The following ZFP91 variants were observed in gnomAD, a reference collection of about 807,000 sequenced individuals.
The protein encoded by ZFP91 is ZFP91 zinc finger protein, atypical E3 ubiquitin ligase, also known as E3 ubiquitin-protein ligase ZFP91.
In ZFP91, 7 loss-of-function variants were observed where a neutral mutation model predicts 63.5. That is an observed-to-expected ratio of 0.11 (90% CI 0.06 to 0.21). The LOEUF (loss-of-function observed/expected upper bound fraction) is 0.21, where lower values mean the gene tolerates loss of function less well. ZFP91 is among the 10% of genes least tolerant of loss of function. The pLI, the probability that ZFP91 is intolerant of heterozygous loss-of-function variation, is 1.00. For synonymous variants in ZFP91, 330 were observed against 272.1 expected, an observed-to-expected ratio of 1.21 and a Z score of -2.10; for missense variants, 628 against 736.6, an observed-to-expected ratio of 0.85 and a Z score of 1.71.
At position 58,617,442 on chromosome 11, in the gene ZFP91, G is replaced by C. The variant is rs1855767483; in HGVS notation, c.1449G>C (p.Leu483=). ...TDILGTNPES[L]TQPSDGQGLP... Reference sequence around the variant, plus strand: ...TCTTGGGCACTAACCCAGAGTCCCTGACGCAGCCTTCAGATGGTCAGGGTC... The same window carrying C: ...TCTTGGGCACTAACCCAGAGTCCCTCACGCAGCCTTCAGATGGTCAGGGTC... Residue 483 remains leucine (L), a synonymous_variant, in exon 11 of 11, where the codon CTG becomes CTC. Coordinates refer to ENST00000316059, the MANE Select transcript of ZFP91 (RefSeq NM_053023.5). This position sits in a 1 kb window ranked among gnomAD's most constrained non-coding sequence, Gnocchi z 4.2. The C allele has an allele frequency of 1.2e-6, 2 of 1,614,026 alleles. No individual in the cohort carries two copies. Among genetic ancestry groups the C allele is most frequent in the Non-Finnish European group, 1.7e-6 (2 of 1,179,948 alleles).
chr11:58,580,995 G>A (rs1855104190), intron 1 of ZFP91, among the ~76,000 whole-genome samples: 2 of 152,098 alleles, frequency 1.3e-5, no homozygotes, highest in Non-Finnish European at 2.9e-5. Context: ...TATGAATTCC[G>A]TGAGCAAATT....
Position 58,609,895 on chromosome 11 carries a change from T to A in ZFP91, c.436T>A (p.Ser146Thr). ...CCCTCAGGAAGTTTCCATTGCTGCA[T>A]CTAGACCTAGCCGGGGCTGGCGTAG... ...ALPQEVSIAA[S>T]RPSRGWRSSR... Residue 146 changes from serine to threonine, a missense_variant, in exon 3 of 11, where the codon TCT becomes ACT. This residue lies in a region of ZFP91 where 437 missense variants were observed against 380.3 expected (regional missense o/e 1.15). Coordinates refer to ENST00000316059, the MANE Select transcript of ZFP91 (RefSeq NM_053023.5). 6.2e-7 allele frequency: 1 copy of A among 1,614,200 alleles called. No individual in the cohort carries two copies.
chr11:58,607,234 G>A (rs1157477156), intron 2 of ZFP91, among the ~76,000 whole-genome samples: 1 of 152,156 alleles, frequency 6.6e-6, no homozygotes, highest in Admixed American at 6.5e-5. Flanking sequence ...TTCATAGGTG[G>A]TGTTGAATTG....
chr11:58,612,850 G>C lies in ZFP91; in HGVS notation c.987+10G>C. 1 of 1,606,328 alleles carries C rather than the reference G, an allele frequency of 6.2e-7. No homozygotes were observed. Among genetic ancestry groups the C allele is most frequent in the Admixed American group, 1.7e-5 (1 of 58,296 alleles). On this transcript the variant is annotated intron_variant, in intron 8 of 10. Transcript: ENST00000316059. ...TCCTCGCTATTTGCAGGTCAGTGAA[G>C]TTGTTATATAAGAGCCTTTCAGGTT... is the stretch of plus-strand genomic sequence containing the variant.
intron 2 of ZFP91, among the ~76,000 whole-genome samples, chr11:58,598,456 A>C (rs1192586069): frequency 6.6e-6 from 1 of 152,130 alleles, no homozygotes; most frequent in African/African-American, 2.4e-5. Flanking sequence ...TTGTTGTTCA[A>C]GGGTTAACTA....
Position 58,611,004 on chromosome 11 carries a change from A to G in ZFP91, c.672A>G (p.Ile224Met), listed in dbSNP as rs764978662. 2 of 1,613,378 alleles carry G rather than the reference A, an allele frequency of 1.2e-6. No homozygotes were observed. Among genetic ancestry groups the G allele is most frequent in the South Asian group, 1.1e-5 (1 of 91,048 alleles). ...EEEMLISEEE[I>M]PFKDDPRDET... Reference sequence around the variant, plus strand: ...AGATGTTAATCAGTGAAGAGGAGATACCATTCAAAGATGATCCAAGAGATG... The same window carrying G: ...AGATGTTAATCAGTGAAGAGGAGATGCCATTCAAAGATGATCCAAGAGATG... Residue 224 changes from isoleucine (I) to methionine (M), a missense_variant, in exon 5 of 11, where the codon ATA becomes ATG. Ile to Met is a conservative substitution (Grantham distance 10). Transcript: ENST00000316059.
chr11:58,595,659 C>A (rs1223901568), intron 2 of ZFP91, among the ~76,000 whole-genome samples: 1 of 151,262 alleles, frequency 6.6e-6, no homozygotes, highest in African/African-American at 2.4e-5. Context: ...CTCACTGCAA[C>A]CTCTGCCTCC....
intron 2 of ZFP91, among the ~76,000 whole-genome samples, chr11:58,607,970 G>A (rs539590812): frequency 6.6e-6 from 1 of 151,750 alleles, no homozygotes; most frequent in Non-Finnish European, 1.5e-5. Flanking sequence ...ATACTTAAAG[G>A]TGAAATTACT....
At position 58,611,656 on chromosome 11, in the gene ZFP91, A is replaced by G. The variant is rs1439906064; in HGVS notation, c.775A>G (p.Lys259Glu). ...AGGGAAGGTAAAAGAAGAGAAGGAG[A>G]AGAAGGAAATTAAAGTGGAAGTAGA... ...KSGKVKEEKE[K>E]KEIKVEVEVE... The change falls in exon 6 of 11, where the codon AAG becomes GAG. Residue 259 changes from lysine to glutamate, a missense_variant. Coordinates refer to ENST00000316059, the MANE Select transcript of ZFP91 (RefSeq NM_053023.5). 1 of 1,612,916 alleles carries G rather than the reference A, an allele frequency of 6.2e-7. No homozygotes were observed. Among genetic ancestry groups the G allele is most frequent in the Non-Finnish European group, 8.5e-7 (1 of 1,179,326 alleles).
At chr11:58,594,447 CCTT>C (rs1855362388) in intron 2 of ZFP91, among the ~76,000 whole-genome samples, 1 of 152,236 alleles carries the variant, frequency 6.6e-6, no homozygotes, top group African/African-American at 2.4e-5. Flanking sequence ...CATCCTTTCA[CCTT>C]CTCAAACTTA....
In ZFP91 at chr11:58,618,876, A is replaced by G. The variant is rs1018676271; in HGVS notation, c.*1170A>G. 2 of 272,910 alleles carry G rather than the reference A, an allele frequency of 7.3e-6. No individual in the cohort carries two copies. The highest frequency in any genetic ancestry group is 4.6e-5 in the African/African-American group (2 of 43,746). The allele number at this position is 272,910 out of a possible 1,614,324, so 16.9% of individuals were successfully genotyped here. A position where few individuals can be genotyped will look rare whatever the true frequency, so the allele number is the denominator to read the frequency against. The stretch of plus-strand genomic sequence containing the variant: ...ATTTTTACAGTGTTGAAACTTAAGA[A>G]TTTTGAGAGGGTGAGGAGGGTTGTT... On this transcript the variant is annotated 3_prime_UTR_variant, in exon 11 of 11. Coordinates refer to ENST00000316059, the MANE Select transcript of ZFP91 (RefSeq NM_053023.5).
In ZFP91 at chr11:58,617,606, G is replaced by A. The variant is rs773597621; in HGVS notation, c.1613G>A (p.Ser538Asn). 24 of 1,605,362 alleles carry A rather than the reference G, an allele frequency of 1.5e-5. No individual in the cohort carries two copies. In the East Asian group the frequency reaches 5.1e-4, roughly 34 times the overall value. Residue 538 changes from serine (S) to asparagine (N), a missense_variant, in exon 11 of 11, where the codon AGC becomes AAC. Coordinates refer to ENST00000316059, the MANE Select transcript of ZFP91 (RefSeq NM_053023.5). The surrounding 1 kb of genome is among the most constrained non-coding windows in gnomAD (Gnocchi z 4.2). ...GCTGATGGGAAGATCTTTGTGGGAA[G>A]CGGCAGCAGTGGAGGCACTGAAGGG... ...LMADGKIFVG[S>N]GSSGGTEGLV... is the part of the protein sequence containing the mutation.
chr11:58,615,669 A>G (rs930321974), intron 9 of ZFP91, among the ~76,000 whole-genome samples: 5 of 152,210 alleles, frequency 3.3e-5, no homozygotes, highest in Admixed American at 3.3e-4. Flanking sequence ...TGCTATATAA[A>G]GTATGGAATA....
intron 2 of ZFP91, among the ~76,000 whole-genome samples, chr11:58,592,150 T>A (rs904558032): frequency 6.7e-6 from 1 of 148,748 alleles, no homozygotes; most frequent in Non-Finnish European, 1.5e-5. Flanking sequence ...TGACGTGATA[T>A]CGGCTCACTG....
At chr11:58,594,014 G>A (rs1378998500) in intron 2 of ZFP91, among the ~76,000 whole-genome samples, 6 of 152,104 alleles carry the variant, frequency 3.9e-5, no homozygotes, top group Non-Finnish European at 8.8e-5. Flanking sequence ...TAGGTTTTTA[G>A]CTGGTTACCT....
chr11:58,612,388 C>A, intron 7 of ZFP91, 60 bp downstream of exon 7: 1 of 1,530,178 alleles, frequency 6.5e-7, no homozygotes, highest in Non-Finnish European at 9.0e-7. Context: ...ACTTTACTCA[C>A]AAATTTAGAC....
rs959837858 is a variant in ZFP91, at chr11:58,598,390, T to A, written c.371-11440T>A. On this transcript the variant is annotated intron_variant, in intron 2 of 10. Transcript: ENST00000316059. ...CAAATTGTCACAAATCTCCAAAAAATTTTCTTACATATTTTAAAAAACTGG... is the reference window on the plus strand; with the variant it reads ...CAAATTGTCACAAATCTCCAAAAAAATTTCTTACATATTTTAAAAAACTGG... Among the ~76,000 whole-genome samples the A allele has an allele frequency of 3.9e-5, 6 of 152,070 alleles. No homozygotes were observed. In the East Asian group the frequency reaches 9.6e-4, roughly 24 times the overall value.
intron 2 of ZFP91, among the ~76,000 whole-genome samples, chr11:58,596,822 A>G (rs528979686): frequency 7.9e-5 from 12 of 152,046 alleles, no homozygotes; most frequent in African/African-American, 2.9e-4. Context: ...GGAATTTTCT[A>G]TAACGATGGC....
intron 2 of ZFP91, among the ~76,000 whole-genome samples, chr11:58,586,691 G>A (rs1207711259): frequency 5.3e-5 from 8 of 152,072 alleles, no homozygotes; most frequent in Non-Finnish European, 7.4e-5. Flanking sequence ...ATGGAGGCTC[G>A]GGTAGTCACT....
Sources: gnomAD v4.1 joint callset for allele counts (sites outside exome capture counted in the v4.1 genomes callset) on GRCh38, gnomAD v4.1.1 for gene constraint, gnomAD v4.1.1 regional missense constraint, Gnocchi (gnomAD v3.1) non-coding constraint, MANE v1.5 for transcripts, NCBI Gene and HGNC (gene_info 2026-07-23, HGNC 2026-07-21) for gene names.